Variants in ANAPC10 observed in about 807,000 individuals in gnomAD.
ANAPC10 encodes anaphase promoting complex subunit 10.
ANAPC10 carries 12 observed loss-of-function variants against 22.0 expected under a neutral mutation model. The ratio of observed to expected loss-of-function variants is 0.55; its 90% CI spans 0.35 to 0.88. The LOEUF (loss-of-function observed/expected upper bound fraction) is 0.88, where lower values mean the gene tolerates loss of function less well. Among genes scored for constraint, ANAPC10 ranks in the 40% least tolerant of loss-of-function variants. The pLI, the probability that ANAPC10 is intolerant of heterozygous loss-of-function variation, is 0.01. For missense variants in ANAPC10, 188 were observed against 220.9 expected (o/e 0.85, Z 0.94); for synonymous variants, 65 against 69.5 (o/e 0.94, Z 0.32).
chr4:145,015,231 G>A (rs1227171921), intron 4 of ANAPC10, among the ~76,000 whole-genome samples: 2 of 151,958 alleles, frequency 1.3e-5, no homozygotes, highest in Non-Finnish European at 2.9e-5. Flanking sequence ...GAAATAGATA[G>A]CATAAAGAAA....
chr4:145,067,714 T>C (rs1160481486), intron 3 of ANAPC10, among the ~76,000 whole-genome samples: 1 of 152,212 alleles, frequency 6.6e-6, no homozygotes, highest in East Asian at 1.9e-4. Flanking sequence ...TGCTGAATAA[T>C]TTCTCATTGG....
At chr4:145,006,283 C>T (rs374572053) in intron 4 of ANAPC10, among the ~76,000 whole-genome samples, 1 of 151,894 alleles carries the variant, frequency 6.6e-6, no homozygotes, top group African/African-American at 2.4e-5. Context: ...GACTTTTTAT[C>T]TGAAAAATCT....
Position 145,068,793 on chromosome 4 carries a change from C to A in ANAPC10, c.207-4101G>T, listed in dbSNP as rs560522119. Among the ~76,000 whole-genome samples the A allele has an allele frequency of 4.6e-5, 7 of 152,284 alleles. No homozygotes were observed. In the East Asian group the frequency reaches 1.3e-3, roughly 29 times the overall value. Reference sequence around the variant, plus strand: ...GGTATGGTGGCATGTGCCTGTAGTACCAGCTACTTGGGAGGCTGAGGCAGG... The same window carrying A: ...GGTATGGTGGCATGTGCCTGTAGTAACAGCTACTTGGGAGGCTGAGGCAGG... On this transcript the variant is annotated intron_variant, in intron 3 of 4. Coordinates refer to ENST00000507656, the MANE Select transcript of ANAPC10 (RefSeq NM_001256706.2).
chr4:145,097,847 T>C (rs959022133), intron 1 of ANAPC10: 2 of 330,800 alleles, frequency 6.0e-6, no homozygotes, highest in Non-Finnish European at 1.2e-5. Context: ...GGATAAAATA[T>C]GGAGCTCGGA....
chr4:145,081,826 T>C (rs1298901178), intron 2 of ANAPC10, 76 bp from the exon 3 acceptor site: 5 of 1,017,210 alleles, frequency 4.9e-6, no homozygotes, highest in East Asian at 2.4e-5. Context: ...AATTAACATA[T>C]GTATTTGTCC....
At chr4:145,044,482 C>G (rs1739996021) in intron 4 of ANAPC10, among the ~76,000 whole-genome samples, 1 of 152,080 alleles carries the variant, frequency 6.6e-6, no homozygotes, top group African/African-American at 2.4e-5. Flanking sequence ...CCCCAACTCC[C>G]ACCCACCATG....
At chr4:145,016,040 T>C (rs1455229510) in intron 4 of ANAPC10, among the ~76,000 whole-genome samples, 2 of 152,154 alleles carry the variant, frequency 1.3e-5, no homozygotes, top group East Asian at 1.9e-4. Flanking sequence ...ACTGGAAGCA[T>C]TCCCTTTGAA....
intron 4 of ANAPC10, among the ~76,000 whole-genome samples, chr4:145,029,464 G>T (rs898699449): frequency 1.3e-5 from 2 of 152,114 alleles, no homozygotes; most frequent in African/African-American, 4.8e-5. Flanking sequence ...CAACTGAAAA[G>T]AACTGTTTGA....
Position 144,995,279 on chromosome 4 carries a change from T to TTATCTA in ANAPC10, c.*93_*94insTAGATA. On this transcript the variant is annotated 3_prime_UTR_variant, in exon 5 of 5. Transcript: ENST00000507656. ...TTTTAAACATATACAAAATTAGATA[T>TTATCTA]AACGGATGCCTTGTTCAATAAAGGT... 1 of 693,628 alleles carries TTATCTA rather than the reference T, an allele frequency of 1.4e-6. No individual in the cohort carries two copies. The highest frequency in any genetic ancestry group is 2.3e-6 in the Non-Finnish European group (1 of 441,556). 43.0% of individuals were successfully genotyped at this position (693,628 alleles called of 1,614,324 possible). A position where few individuals can be genotyped will look rare whatever the true frequency, so the allele number is the denominator to read the frequency against.
chr4:145,092,913 C>T (rs1281185098), intron 2 of ANAPC10, among the ~76,000 whole-genome samples: 1 of 152,174 alleles, frequency 6.6e-6, no homozygotes, highest in Non-Finnish European at 1.5e-5. Flanking sequence ...AAACAACAGT[C>T]CTTTCTCAGA....
chr4:145,022,650 G>GA (rs1736118363), intron 4 of ANAPC10, among the ~76,000 whole-genome samples: 1 of 151,626 alleles, frequency 6.6e-6, no homozygotes, highest in Non-Finnish European at 1.5e-5. Flanking sequence ...ATAACCTATG[G>GA]AAAATTTTTT....
At chr4:145,030,439 A>G (rs1437817776) in intron 4 of ANAPC10, among the ~76,000 whole-genome samples, 1 of 152,222 alleles carries the variant, frequency 6.6e-6, no homozygotes, top group African/African-American at 2.4e-5. Flanking sequence ...AAGGGAAATA[A>G]TCAGGCATTT....
chr4:145,089,571 T>A (rs1380412373), intron 2 of ANAPC10, among the ~76,000 whole-genome samples: 1 of 152,200 alleles, frequency 6.6e-6, no homozygotes, highest in Non-Finnish European at 1.5e-5. Context: ...GACTAACAAT[T>A]GTGCTGAATT....
intron 4 of ANAPC10, among the ~76,000 whole-genome samples, chr4:145,032,845 G>T (rs1310496521): frequency 3.3e-5 from 5 of 152,208 alleles, no homozygotes; most frequent in Non-Finnish European, 7.3e-5. Context: ...AACGGCAGAG[G>T]TTTGTCTTCA....
chr4:145,031,713 G>A (rs1737610768), intron 4 of ANAPC10, among the ~76,000 whole-genome samples: 1 of 152,206 alleles, frequency 6.6e-6, no homozygotes, highest in African/African-American at 2.4e-5. Flanking sequence ...ATGCTGTTTG[G>A]AGCCTTTGGC....
chr4:145,083,445 T>C (rs1009853568), intron 2 of ANAPC10, among the ~76,000 whole-genome samples: 2 of 152,150 alleles, frequency 1.3e-5, no homozygotes, highest in African/African-American at 2.4e-5. Flanking sequence ...AGAGAATAGA[T>C]TTCTAGGAAT....
chr4:145,031,272 T>G (rs1240673424), intron 4 of ANAPC10, among the ~76,000 whole-genome samples: 2 of 152,216 alleles, frequency 1.3e-5, no homozygotes, highest in Non-Finnish European at 2.9e-5. Context: ...CTGGATCCAG[T>G]GAGCAAGAAG....
chr4:145,003,839 G>A (rs939250132), intron 4 of ANAPC10, among the ~76,000 whole-genome samples: 6 of 151,950 alleles, frequency 3.9e-5, no homozygotes, highest in Admixed American at 2.6e-4. Context: ...TTTTGGTTCC[G>A]TATGAATTTC....
At chr4:145,029,474 A>G (rs1002393633) in intron 4 of ANAPC10, among the ~76,000 whole-genome samples, 4 of 152,176 alleles carry the variant, frequency 2.6e-5, no homozygotes, top group Non-Finnish European at 5.9e-5. Flanking sequence ...GAACTGTTTG[A>G]GTTCTCTAAT....
Sources: gnomAD v4.1 joint callset for allele counts (sites outside exome capture counted in the v4.1 genomes callset) on GRCh38, gnomAD v4.1.1 for gene constraint, MANE v1.5 for transcripts, NCBI Gene and HGNC (gene_info 2026-07-23, HGNC 2026-07-21) for gene names.